Variants in BARX2 observed in about 807,000 individuals in gnomAD.
BARX2 encodes the protein homeobox protein BarH-like 2.
In BARX2, 11 loss-of-function variants were observed where a neutral mutation model predicts 25.5. The observed-to-expected ratio is 0.43, with a 90% CI of 0.27 to 0.71. The LOEUF is 0.71. Ranked by LOEUF, BARX2 falls within the 30% of genes least tolerant of loss-of-function variation. BARX2 has a pLI of 0.19. For missense variants in BARX2, 360 were observed against 359.9 expected, an observed-to-expected ratio of 1.00 and a Z score of 0.00; for synonymous variants, 137 against 149.5, an observed-to-expected ratio of 0.92 and a Z score of 0.61.
At position 129,451,360 on chromosome 11, in the gene BARX2, G is replaced by A; in HGVS notation, c.798G>A (p.Gln266=). Residue 266 remains glutamine (Q), a synonymous_variant, in exon 4 of 4, where the codon CAG becomes CAA. Coordinates refer to ENST00000281437, the MANE Select transcript of BARX2 (RefSeq NM_003658.5). Reference sequence around the variant, plus strand: ...TGGCAGAGCCACCAGACCCGCCCCAGGAGTTGCCAATACCCTCTTCGGAAC... The same window carrying A: ...TGGCAGAGCCACCAGACCCGCCCCAAGAGTTGCCAATACCCTCTTCGGAAC... ...LEMAEPPDPP[Q]ELPIPSSEPP... is the part of the protein sequence containing the mutation. The A allele has an allele frequency of 6.2e-7, 1 of 1,614,104 alleles. No individual in the cohort carries two copies. The highest frequency in any genetic ancestry group is 8.5e-7 in the Non-Finnish European group (1 of 1,180,014).
At chr11:129,380,328 T>C (rs1255257172) in intron 1 of BARX2, among the ~76,000 whole-genome samples, 1 of 152,138 alleles carries the variant, frequency 6.6e-6, no homozygotes, top group Non-Finnish European at 1.5e-5. Flanking sequence ...TTTGGGGTAG[T>C]GTCCTTGGGT....
At chr11:129,415,909 T>C (rs1342790166) in intron 1 of BARX2, among the ~76,000 whole-genome samples, 2 of 152,254 alleles carry the variant, frequency 1.3e-5, no homozygotes, top group Non-Finnish European at 2.9e-5. Context: ...AAATGACACT[T>C]TTTCCTGAGG....
At chr11:129,422,992 C>A (rs565745695) in intron 1 of BARX2, among the ~76,000 whole-genome samples, 1 of 150,808 alleles carries the variant, frequency 6.6e-6, no homozygotes, top group African/African-American at 2.4e-5. Flanking sequence ...CATGAGCCAC[C>A]CTGCCCAGCC....
At chr11:129,435,403 A>G (rs1410890698) in intron 1 of BARX2, among the ~76,000 whole-genome samples, 1 of 152,268 alleles carries the variant, frequency 6.6e-6, no homozygotes, top group Non-Finnish European at 1.5e-5. Flanking sequence ...GGCCAAACAA[A>G]GGCATGGGAA....
At chr11:129,411,384 A>AG (rs1172316712) in intron 1 of BARX2, among the ~76,000 whole-genome samples, 2 of 151,854 alleles carry the variant, frequency 1.3e-5, no homozygotes, top group African/African-American at 4.8e-5. Flanking sequence ...AAAAAAAAAA[A>AG]AAAAAAAGAA....
At chr11:129,424,391 C>G (rs2135405347) in intron 1 of BARX2, among the ~76,000 whole-genome samples, 1 of 152,300 alleles carries the variant, frequency 6.6e-6, no homozygotes, top group Non-Finnish European at 1.5e-5. Context: ...CCAGCAGTCA[C>G]CTCGAGCGTC....
intron 1 of BARX2, among the ~76,000 whole-genome samples, chr11:129,423,410 C>T (rs1032856418): frequency 5.9e-5 from 9 of 152,142 alleles, no homozygotes; most frequent in Non-Finnish European, 1.2e-4. Flanking sequence ...CCACTGCACC[C>T]GGCCCAGATT....
intron 1 of BARX2, among the ~76,000 whole-genome samples, chr11:129,425,663 A>G (rs1321460828): frequency 6.6e-6 from 1 of 152,220 alleles, no homozygotes. Flanking sequence ...GTGGGTGTCT[A>G]CATTTCTAGT....
chr11:129,386,980 G>T (rs750993972), intron 1 of BARX2, among the ~76,000 whole-genome samples: 1 of 152,212 alleles, frequency 6.6e-6, no homozygotes, highest in Non-Finnish European at 1.5e-5. Context: ...ATTTTCTTTG[G>T]TGCTAAGCAC....
At chr11:129,433,171 T>C (rs181103394) in intron 1 of BARX2, among the ~76,000 whole-genome samples, 1 of 152,332 alleles carries the variant, frequency 6.6e-6, no homozygotes, top group Non-Finnish European at 1.5e-5. Flanking sequence ...TTTCCCATCT[T>C]GGTAAAGGGC....
At chr11:129,383,119 A>G (rs949336710) in intron 1 of BARX2, among the ~76,000 whole-genome samples, 35 of 152,176 alleles carry the variant, frequency 2.3e-4, no homozygotes, top group African/African-American at 8.0e-4. Flanking sequence ...CCAGGAAGAG[A>G]GGTGTTTTGT....
chr11:129,419,011 G>C (rs771954000), intron 1 of BARX2, among the ~76,000 whole-genome samples: 13 of 152,204 alleles, frequency 8.5e-5, no homozygotes, highest in Admixed American at 1.3e-4. Flanking sequence ...GGGTCCTTCA[G>C]TTTCCTCCCA....
intron 1 of BARX2, among the ~76,000 whole-genome samples, chr11:129,429,216 A>G (rs1411352417): frequency 1.3e-5 from 2 of 152,094 alleles, no homozygotes; most frequent in African/African-American, 4.8e-5. Flanking sequence ...CTTTCTTTAG[A>G]GTCTAACAAG....
In BARX2 at chr11:129,376,331, CT is replaced by C; in HGVS notation, c.187+113del. The C allele has an allele frequency of 8.9e-7, 1 of 1,121,134 alleles. No individual in the cohort carries two copies. The allele number at this position is 1,121,134 out of a possible 1,614,324, so 69.4% of individuals were successfully genotyped here. The stretch of plus-strand genomic sequence containing the variant: ...AGAGGAAGGGTTAAGTTAAGGGATT[CT>C]TTTCCTGCGCCTCAGCAAGCGGTGG... On this transcript the variant is annotated intron_variant, in intron 1 of 3. Transcript: ENST00000281437. This position sits in a 1 kb window ranked among gnomAD's most constrained non-coding sequence, Gnocchi z 4.2.
intron 1 of BARX2, among the ~76,000 whole-genome samples, chr11:129,409,380 T>G (rs900288490): frequency 6.6e-6 from 1 of 152,158 alleles, no homozygotes; most frequent in African/African-American, 2.4e-5. Flanking sequence ...CAAGCACAAT[T>G]TTTAAACGGT....
chr11:129,420,308 A>G (rs1225395709), intron 1 of BARX2, among the ~76,000 whole-genome samples: 2 of 152,194 alleles, frequency 1.3e-5, no homozygotes, highest in African/African-American at 4.8e-5. Context: ...AATAGACCAC[A>G]TGAAGGAGGA....
Position 129,451,280 on chromosome 11 carries a change from C to G in BARX2, c.718C>G (p.Gln240Glu). Residue 240 changes from glutamine to glutamate, a missense_variant, in exon 4 of 4, where the codon CAG becomes GAG. Physicochemically the swap from Gln to Glu is conservative, Grantham distance 29. Around this residue, in one of 3 missense-constraint regions of BARX2, gnomAD observed 114 missense variants for 109.4 expected, o/e 1.04. Coordinates refer to ENST00000281437, the MANE Select transcript of BARX2 (RefSeq NM_003658.5). Reference sequence around the variant, plus strand: ...GGAGCAGCTGGAGCCCTCTCAGGGGCAGGAGGAGCTCTGTGAAGCACAGGA... The same window carrying G: ...GGAGCAGCTGGAGCCCTCTCAGGGGGAGGAGGAGCTCTGTGAAGCACAGGA... ...GQEQLEPSQG[Q>E]EELCEAQEPK... The G allele has an allele frequency of 6.2e-7, 1 of 1,614,162 alleles. No homozygotes were observed. The highest frequency in any genetic ancestry group is 1.3e-5 in the African/African-American group (1 of 75,032).
intron 1 of BARX2, among the ~76,000 whole-genome samples, chr11:129,433,076 C>T (rs755913173): frequency 2.6e-5 from 4 of 152,178 alleles, no homozygotes; most frequent in Admixed American, 6.5e-5. Flanking sequence ...CTGACTGACT[C>T]CTCAACATGT....
At chr11:129,377,791 T>G (rs1357897124) in intron 1 of BARX2, among the ~76,000 whole-genome samples, 1 of 152,190 alleles carries the variant, frequency 6.6e-6, no homozygotes, top group East Asian at 1.9e-4. Flanking sequence ...CAGAACAACT[T>G]CTAAGCACCT....
Sources: allele counts gnomAD v4.1 joint callset (sites outside exome capture counted in the v4.1 genomes callset), GRCh38; gene constraint gnomAD v4.1.1; regional missense constraint gnomAD v4.1.1; non-coding constraint Gnocchi (gnomAD v3.1); transcripts MANE v1.5; gene names NCBI Gene and HGNC (gene_info 2026-07-23, HGNC 2026-07-21).